The following PTCH1 variants were observed in gnomAD, a reference collection of about 807,000 sequenced individuals.
PTCH1 encodes protein patched homolog 1.
In PTCH1, 14 loss-of-function variants were observed where a neutral mutation model predicts 144.6. That is an observed-to-expected ratio of 0.10 (90% CI 0.06 to 0.15). The LOEUF is 0.15. PTCH1 is among the 10% of genes least tolerant of loss of function. The probability of loss-of-function intolerance (pLI) is 1.00; values close to 1 mark genes in which losing one functional copy is unlikely to be tolerated. For synonymous variants in PTCH1, 833 were observed against 793.6 expected, an observed-to-expected ratio of 1.05 and a Z score of -0.83; for missense variants, 1,623 against 1,948.3, an observed-to-expected ratio of 0.83 and a Z score of 3.14.
chr9:95,503,291 A>G (rs1843281131), intron 2 of PTCH1: 1 of 152,218 alleles, frequency 6.6e-6, no homozygotes, highest in Non-Finnish European at 1.5e-5. Flanking sequence ...ATGTGGAGCT[A>G]TTACTCACTT....
At chr9:95,508,073 G>T in intron 1 of PTCH1, 88 bp downstream of exon 1, 3 of 1,585,356 alleles carry the variant, frequency 1.9e-6, no homozygotes, top group Non-Finnish European at 2.6e-6. Context: ...GAGAGAGGAA[G>T]AGAGTGTGTG....
Position 95,447,468 on chromosome 9 carries a change from T to C in PTCH1, c.3805-17A>G. 6.5e-7 allele frequency: 1 copy of C among 1,549,958 alleles called. No homozygotes were observed. The highest frequency in any genetic ancestry group is 1.8e-4 in the Middle Eastern group (1 of 5,602). On this transcript the variant is annotated splice_polypyrimidine_tract_variant and intron_variant, in intron 22 of 23. Coordinates refer to ENST00000331920, the MANE Select transcript of PTCH1 (RefSeq NM_000264.5). ...ATGGACCACCTGCAGAGGGTGAGGG[T>C]GGGTTAGAAGGGTGGTATCCCAGGC...
At chr9:95,487,210 G>A (rs890357853) in intron 2 of PTCH1, among the ~76,000 whole-genome samples, 6 of 152,226 alleles carry the variant, frequency 3.9e-5, no homozygotes, top group Admixed American at 2.6e-4. Context: ...CTCTGTGCAG[G>A]TCCACGCGGA....
At chr9:95,515,460 C>T (rs1323267064) in intron 1 of PTCH1, among the ~76,000 whole-genome samples, 1 of 152,206 alleles carries the variant, frequency 6.6e-6, no homozygotes, top group Non-Finnish European at 1.5e-5. Flanking sequence ...TATGGTTCTT[C>T]TTAGGTGATG....
At chr9:95,493,779 C>T (rs541624068) in intron 2 of PTCH1, among the ~76,000 whole-genome samples, 1 of 151,848 alleles carries the variant, frequency 6.6e-6, no homozygotes, top group East Asian at 1.9e-4. Context: ...ATTAGCACTG[C>T]CTCTTTTTTA....
At chr9:95,504,484 C>A (rs1465098739) in intron 2 of PTCH1, among the ~76,000 whole-genome samples, 3 of 152,220 alleles carry the variant, frequency 2.0e-5, no homozygotes, top group Non-Finnish European at 4.4e-5. Flanking sequence ...CACAAAATCA[C>A]GTTTTGTCAT....
chr9:95,468,479 T>C (rs550354800), intron 14 of PTCH1, among the ~76,000 whole-genome samples: 1 of 152,324 alleles, frequency 6.6e-6, no homozygotes, highest in African/African-American at 2.4e-5. Context: ...TTAACAGGCA[T>C]GAGCCACCGC....
At chr9:95,492,485 A>G (rs1433205689) in intron 2 of PTCH1, among the ~76,000 whole-genome samples, 1 of 152,208 alleles carries the variant, frequency 6.6e-6, no homozygotes, top group Non-Finnish European at 1.5e-5. Context: ...ATATACACCA[A>G]CATTGTTTCA....
At chr9:95,481,906 C>G (rs2118456666) in intron 5 of PTCH1, 43 bp downstream of exon 5, 2 of 1,487,618 alleles carry the variant, frequency 1.3e-6, no homozygotes, top group Non-Finnish European at 9.4e-7. Context: ...ACACTGAGTC[C>G]TAGAGAAGTC....
At chr9:95,456,156 C>A in intron 19 of PTCH1, 120 bp downstream of exon 19, 3 of 1,478,090 alleles carry the variant, frequency 2.0e-6, no homozygotes, top group African/African-American at 1.4e-5. Flanking sequence ...GGCCCCTGTG[C>A]CCTGAGGCCT....
intron 1 of PTCH1, chr9:95,506,960 T>C (rs1843716324): frequency 2.0e-6 from 2 of 1,015,882 alleles, no homozygotes; most frequent in African/African-American, 1.7e-5. Flanking sequence ...AGGGAGGGGC[T>C]GCGTAATCCC....
intron 23 of PTCH1, 94 bp downstream of exon 23, chr9:95,446,817 C>G (rs1837938739): frequency 6.5e-7 from 1 of 1,537,928 alleles, no homozygotes; most frequent in Non-Finnish European, 8.9e-7. Context: ...CCGAGCGCCA[C>G]AGCCCCTCGG....
intron 2 of PTCH1, among the ~76,000 whole-genome samples, chr9:95,501,665 AGGAGGCCAGGAGCT>A (rs1166418636): frequency 6.6e-6 from 1 of 152,194 alleles, no homozygotes; most frequent in Admixed American, 6.5e-5. Flanking sequence ...TCTGCAGAAA[AGGAGGCCAGGAGCT>A]GGGCAAGCTT....
intron 5 of PTCH1, among the ~76,000 whole-genome samples, chr9:95,481,598 G>A (rs1841538708): frequency 6.6e-6 from 1 of 152,090 alleles, no homozygotes; most frequent in Admixed American, 6.6e-5. Context: ...CACTAATAAA[G>A]TCTCTCCTTA....
At position 95,480,469 on chromosome 9, in the gene PTCH1, T is replaced by C. The variant is rs1221172962; in HGVS notation, c.866A>G (p.His289Arg). ...EEMLNKAEVG[H>R]GYMDRPCLNP... ...GAGGCAGGGGCGGTCCATGTAACCA[T>C]GACCAACCTCAGCCTTATTCAGCAT... Residue 289 changes from histidine to arginine, a missense_variant, in exon 6 of 24, where the codon CAT becomes CGT. His to Arg is a conservative substitution (Grantham distance 29). Around this residue, in one of 7 missense-constraint regions of PTCH1, gnomAD observed 230 missense variants for 271.0 expected, o/e 0.85. Coordinates refer to ENST00000331920, the MANE Select transcript of PTCH1 (RefSeq NM_000264.5). 2.5e-6 allele frequency: 4 copies of C among 1,612,490 alleles called. No individual in the cohort carries two copies. The highest frequency in any genetic ancestry group is 2.2e-5 in the East Asian group (1 of 44,852).
rs200729445 is a variant in PTCH1, at chr9:95,485,801, T to G, written c.468A>C (p.Gln156His). The stretch of plus-strand genomic sequence containing the variant: ...CTTCTTTAGGGGTCTGTATCATGAG[T>G]TGAGGATTAAACATAGCCTCTTCTC... ...KIGEEAMFNP[Q>H]LMIQTPKEEG... is the part of the protein sequence containing the mutation. The change falls in exon 3 of 24, where the codon CAA (glutamine) becomes CAC (histidine). Residue 156 changes from glutamine (Q) to histidine (H), a missense_variant. This residue lies in a region of PTCH1 where 245 missense variants were observed against 240.6 expected (regional missense o/e 1.02). Transcript: ENST00000331920. 34 of 1,614,064 alleles carry G rather than the reference T, an allele frequency of 2.1e-5. No homozygotes were observed. Among genetic ancestry groups the G allele is most frequent in the Non-Finnish European group, 2.6e-5 (31 of 1,180,030 alleles).
At chr9:95,498,589 A>T (rs543348369) in intron 2 of PTCH1, among the ~76,000 whole-genome samples, 1 of 152,324 alleles carries the variant, frequency 6.6e-6, no homozygotes, top group East Asian at 1.9e-4. Flanking sequence ...TCTCAATGGC[A>T]GTATTCTGCT....
rs1588544328 is a variant in PTCH1 at position 95,459,636 on chromosome 9, C to T, written c.2851G>A (p.Asp951Asn). 5 of 1,614,000 alleles carry T rather than the reference C, an allele frequency of 3.1e-6. No individual in the cohort carries two copies. The highest frequency in any genetic ancestry group is 1.1e-5 in the South Asian group (1 of 91,070). Residue 951 changes from aspartate (D) to asparagine (N), a missense_variant, in exon 17 of 24, where the codon GAC (aspartate) becomes AAC (asparagine). Asp to Asn is a conservative substitution (Grantham distance 23). Transcript: ENST00000331920. Reference sequence around the variant, plus strand: ...GTTTCAGGCATGTAGTCGGCTTTGTCGTGGACCCATTCTGGTCGGTGTGGC... The same window carrying T: ...GTTTCAGGCATGTAGTCGGCTTTGTTGTGGACCCATTCTGGTCGGTGTGGC... ...IRPHRPEWVH[D>N]KADYMPETRL...
chr9:95,501,140 A>G (rs1416952663), intron 2 of PTCH1, among the ~76,000 whole-genome samples: 2 of 152,226 alleles, frequency 1.3e-5, no homozygotes, highest in Non-Finnish European at 2.9e-5. Context: ...TGAGTCTTCC[A>G]ATCAAAATCT....
Sources: gnomAD v4.1 joint callset for allele counts (sites outside exome capture counted in the v4.1 genomes callset) on GRCh38, gnomAD v4.1.1 for gene constraint, gnomAD v4.1.1 regional missense constraint, MANE v1.5 for transcripts, NCBI Gene and HGNC (gene_info 2026-07-23, HGNC 2026-07-21) for gene names.